ADAMTSL1: variants seen among roughly 807,000 people sequenced by gnomAD.
The protein encoded by ADAMTSL1 is ADAMTS like 1, also known as ADAMTS-like protein 1.
ADAMTSL1 carries 126 observed loss-of-function variants against 201.8 expected under a neutral mutation model. The ratio of observed to expected loss-of-function variants is 0.62; its 90% CI spans 0.54 to 0.72. ADAMTSL1 has a LOEUF of 0.72. Ranked by LOEUF, ADAMTSL1 falls within the 30% of genes least tolerant of loss-of-function variation. ADAMTSL1 has a pLI of 0.00. For missense variants in ADAMTSL1, 2,679 were observed against 2,277.8 expected (o/e 1.18, Z -3.59); for synonymous variants, 1,121 against 903.4 (o/e 1.24, Z -4.32).
intron 1 of ADAMTSL1, among the ~76,000 whole-genome samples, chr9:18,048,698 G>T (rs1019202021): frequency 3.3e-5 from 5 of 152,150 alleles, no homozygotes; most frequent in Admixed American, 2.0e-4. Context: ...CAGCCAGAAA[G>T]GTGTCTATAC....
rs1011536127 is a variant in ADAMTSL1 at position 18,266,513 on chromosome 9, A to G, written c.207+102532A>G. ...ATGAGCTTCTGGTGTCTTAGGAACT[A>G]TTGAGTGAGGGTCAGGCTCTTTCTT... On this transcript the variant is annotated intron_variant, in intron 2 of 29. Coordinates refer to the ADAMTSL1 transcript ENST00000680146. Among the ~76,000 whole-genome samples, 6 of 152,196 alleles carry G rather than the reference A, an allele frequency of 3.9e-5. No individual in the cohort carries two copies. In the East Asian group the frequency reaches 7.7e-4, roughly 20 times the overall value.
At chr9:18,222,784 A>C (rs956384759) in intron 2 of ADAMTSL1, among the ~76,000 whole-genome samples, 1 of 152,036 alleles carries the variant, frequency 6.6e-6, no homozygotes, top group Non-Finnish European at 1.5e-5. Context: ...TGCCTGCAAA[A>C]ACATCTTTAT....
At chr9:18,185,503 A>G (rs1295523722) in intron 2 of ADAMTSL1, among the ~76,000 whole-genome samples, 1 of 152,166 alleles carries the variant, frequency 6.6e-6, no homozygotes, top group Admixed American at 6.6e-5. Flanking sequence ...ATAAATGTGT[A>G]TTATTATTAG....
intron 3 of ADAMTSL1, among the ~76,000 whole-genome samples, chr9:18,536,119 C>G (rs1587490260): frequency 1.3e-5 from 2 of 152,078 alleles, no homozygotes; most frequent in African/African-American, 2.4e-5. Context: ...ACAGAAGCAG[C>G]ATTGCGAAAA....
intron 1 of ADAMTSL1, among the ~76,000 whole-genome samples, chr9:18,131,443 CTGTT>C (rs1564017459): frequency 1.3e-5 from 2 of 152,116 alleles, no homozygotes. Context: ...GGTGCCATCA[CTGTT>C]TGGGAAGGTT....
chr9:18,259,277 C>G (rs189884831), intron 2 of ADAMTSL1, among the ~76,000 whole-genome samples: 32 of 152,100 alleles, frequency 2.1e-4, no homozygotes, highest in Non-Finnish European at 4.0e-4. Context: ...TCCTCATCTA[C>G]GCTTTGGGAA....
At chr9:18,795,256 T>C in intron 19 of ADAMTSL1, 141 bp from the exon 20 acceptor site, 3 of 1,081,600 alleles carry the variant, frequency 2.8e-6, no homozygotes, top group Admixed American at 5.3e-5. Flanking sequence ...GGTTCTTGAT[T>C]GTCCTTGTAG....
chr9:18,859,654 G>A (rs1273273126), intron 23 of ADAMTSL1, among the ~76,000 whole-genome samples: 1 of 152,140 alleles, frequency 6.6e-6, no homozygotes, highest in Non-Finnish European at 1.5e-5. Flanking sequence ...ATTTTCAAAT[G>A]ATACCTACTG....
At chr9:17,986,065 G>A (rs566060991) in intron 1 of ADAMTSL1, among the ~76,000 whole-genome samples, 1 of 152,242 alleles carries the variant, frequency 6.6e-6, no homozygotes, top group South Asian at 2.1e-4. Context: ...TGAGGTTTAT[G>A]TGGGAGCAAC....
chr9:18,119,464 C>G (rs769688675), intron 1 of ADAMTSL1, among the ~76,000 whole-genome samples: 2 of 151,936 alleles, frequency 1.3e-5, no homozygotes, highest in Admixed American at 6.6e-5. Flanking sequence ...CCACGCCCAG[C>G]TAATTTTTGT....
intron 2 of ADAMTSL1, among the ~76,000 whole-genome samples, chr9:18,443,662 A>G (rs1428464689): frequency 6.6e-6 from 1 of 152,186 alleles, no homozygotes; most frequent in African/African-American, 2.4e-5. Context: ...GATACTTTGC[A>G]GTCCTTTTTC....
chr9:18,168,198 T>C (rs1014237406), intron 2 of ADAMTSL1, among the ~76,000 whole-genome samples: 1 of 152,078 alleles, frequency 6.6e-6, no homozygotes, highest in African/African-American at 2.4e-5. Context: ...TGTGCCATGT[T>C]GGTGTGCTGC....
At chr9:18,150,740 C>T (rs756376210) in intron 1 of ADAMTSL1, among the ~76,000 whole-genome samples, 1 of 151,560 alleles carries the variant, frequency 6.6e-6, no homozygotes, top group African/African-American at 2.4e-5. Flanking sequence ...GAATGAGATC[C>T]CTTTGGGGAC....
intron 2 of ADAMTSL1, among the ~76,000 whole-genome samples, chr9:18,184,809 C>T (rs376691179): frequency 2.6e-5 from 4 of 152,172 alleles, no homozygotes; most frequent in African/African-American, 4.8e-5. Context: ...CTAAAAATCA[C>T]GTATTAAATA....
chr9:18,844,575 A>T (rs1825963481), intron 23 of ADAMTSL1, among the ~76,000 whole-genome samples: 1 of 152,200 alleles, frequency 6.6e-6, no homozygotes, highest in South Asian at 2.1e-4. Context: ...ATGCTGTCAG[A>T]CAGGGACACT....
At position 18,680,527 on chromosome 9, in the gene ADAMTSL1, C is replaced by T; in HGVS notation, c.1341+11C>T. The T allele has an allele frequency of 1.9e-6, 3 of 1,613,828 alleles. No homozygotes were observed. Among genetic ancestry groups the T allele is most frequent in the Non-Finnish European group, 2.5e-6 (3 of 1,179,838 alleles). On this transcript the variant is annotated intron_variant, in intron 11 of 28. Transcript: ENST00000380548. ...CAGGAGTGGTCTCCGGTAACTGTGCCTTCTTTCTTTGTTCATTAGGAGAGT... is the reference window on the plus strand; with the variant it reads ...CAGGAGTGGTCTCCGGTAACTGTGCTTTCTTTCTTTGTTCATTAGGAGAGT...
chr9:18,764,106 T>C (rs532013032), intron 16 of ADAMTSL1, among the ~76,000 whole-genome samples: 1 of 152,314 alleles, frequency 6.6e-6, no homozygotes, highest in Non-Finnish European at 1.5e-5. Flanking sequence ...TTTTACCATA[T>C]TGATCCTTCC....
intron 1 of ADAMTSL1, among the ~76,000 whole-genome samples, chr9:18,140,125 C>A (rs1284331971): frequency 6.6e-6 from 1 of 152,078 alleles, no homozygotes; most frequent in Non-Finnish European, 1.5e-5. Context: ...GCTAAGCAAA[C>A]CCTAGCCTAC....
chr9:18,822,435 A>C (rs76528583), intron 21 of ADAMTSL1, among the ~76,000 whole-genome samples: 5,830 of 152,284 alleles, frequency 0.038, 154 homozygotes, highest in South Asian at 0.095. Context: ...ATAGTAAAGC[A>C]GCAGTTCAGA....
Sources: allele counts gnomAD v4.1 joint callset (sites outside exome capture counted in the v4.1 genomes callset), GRCh38; gene constraint gnomAD v4.1.1; transcripts MANE v1.5; gene names NCBI Gene and HGNC (gene_info 2026-07-23, HGNC 2026-07-21).